The following GPC6 variants were observed in gnomAD, a reference collection of about 807,000 sequenced individuals.
The protein encoded by GPC6 is glypican-6.
In GPC6, 14 loss-of-function variants were observed where a neutral mutation model predicts 55.2. The ratio of observed to expected loss-of-function variants is 0.25; its 90% CI spans 0.17 to 0.40. The LOEUF is 0.40. Ranked by LOEUF, GPC6 falls within the 10% of genes least tolerant of loss-of-function variation. The pLI, the probability that GPC6 is intolerant of heterozygous loss-of-function variation, is 1.00. For missense variants in GPC6, 641 were observed against 708.5 expected, an observed-to-expected ratio of 0.90 and a Z score of 1.08; for synonymous variants, 278 against 259.6, an observed-to-expected ratio of 1.07 and a Z score of -0.68.
chr13:93,330,833 G>A (rs7994395), intron 1 of GPC6, among the ~76,000 whole-genome samples: 43,779 of 151,818 alleles, frequency 0.29, 7,303 homozygotes, highest in East Asian at 0.55. Context: ...CTAATCATAC[G>A]CAAATCCCAA....
intron 2 of GPC6, among the ~76,000 whole-genome samples, chr13:93,680,629 G>A (rs1881811857): frequency 6.6e-6 from 1 of 152,084 alleles, no homozygotes; most frequent in South Asian, 2.1e-4. Flanking sequence ...AAGTCTCAAA[G>A]CAATGCATGA....
chr13:94,143,196 A>T (rs1887446356), intron 4 of GPC6, among the ~76,000 whole-genome samples: 2 of 151,980 alleles, frequency 1.3e-5, no homozygotes. Context: ...AATATTTCTC[A>T]TTAGTTTATT....
chr13:94,163,433 A>G (rs910601834), intron 4 of GPC6, among the ~76,000 whole-genome samples: 4 of 152,058 alleles, frequency 2.6e-5, no homozygotes, highest in African/African-American at 9.7e-5. Context: ...ATCTCCAAGA[A>G]ATAGAAACTC....
At position 93,296,866 on chromosome 13, in the gene GPC6, A is replaced by C. The variant is rs77127428; in HGVS notation, c.160+69250A>C. On this transcript the variant is annotated intron_variant, in intron 1 of 8. Transcript: ENST00000377047. ...GGTACGAGGTGGAGGTGGACCCTTC[A>C]GGAGTCGTAGCCATCCAAAGTTATG... Among the ~76,000 whole-genome samples, 717 of 152,298 alleles carry C rather than the reference A, an allele frequency of 4.7e-3. 5 individuals are homozygous for C. Among genetic ancestry groups the C allele is most frequent in the African/African-American group, 0.015 (625 of 41,574 alleles).
At chr13:93,955,466 C>T (rs564522173) in intron 3 of GPC6, among the ~76,000 whole-genome samples, 1 of 152,258 alleles carries the variant, frequency 6.6e-6, no homozygotes, top group Non-Finnish European at 1.5e-5. Flanking sequence ...TAACAAACAA[C>T]AAAGTTTACC....
At chr13:94,177,427 A>G (rs1888817759) in intron 4 of GPC6, among the ~76,000 whole-genome samples, 1 of 152,180 alleles carries the variant, frequency 6.6e-6, no homozygotes, top group African/African-American at 2.4e-5. Flanking sequence ...AAGCTCCTAC[A>G]TATTGATTTT....
intron 1 of GPC6, among the ~76,000 whole-genome samples, chr13:93,398,722 C>CA (rs796335129): frequency 7.2e-5 from 11 of 152,216 alleles, no homozygotes; most frequent in African/African-American, 2.6e-4. Flanking sequence ...TTAATGTTCC[C>CA]ATTACCCTCG....
chr13:93,949,686 A>G (rs1473895876), intron 3 of GPC6, among the ~76,000 whole-genome samples: 2 of 152,124 alleles, frequency 1.3e-5, no homozygotes, highest in African/African-American at 4.8e-5. Context: ...GTGGAGGGAG[A>G]GGGCAATGGG....
intron 1 of GPC6, among the ~76,000 whole-genome samples, chr13:93,539,342 G>A (rs1039858326): frequency 3.9e-5 from 6 of 152,066 alleles, no homozygotes; most frequent in East Asian, 1.9e-4. Context: ...TGGTGTTGTC[G>A]AAATCATCAC....
rs185544616 is a variant in GPC6 at position 93,460,673 on chromosome 13, G to A, written c.161-84590G>A. On this transcript the variant is annotated intron_variant, in intron 1 of 8. Coordinates refer to ENST00000377047, the MANE Select transcript of GPC6 (RefSeq NM_005708.5). ...ATAATTATCTAGACATGAAAGTGAC[G>A]AGTCAATATTTCTCTGGAAGTTTAT... Among the ~76,000 whole-genome samples the A allele has an allele frequency of 3.9e-3, 587 of 152,144 alleles. 3 individuals are homozygous for A. Among genetic ancestry groups the A allele is most frequent in the Non-Finnish European group, 6.0e-3 (409 of 67,988 alleles).
intron 4 of GPC6, among the ~76,000 whole-genome samples, chr13:94,097,530 A>G (rs1007128394): frequency 6.7e-6 from 1 of 148,820 alleles, no homozygotes; most frequent in Admixed American, 6.6e-5. Flanking sequence ...AAAAAAAAAG[A>G]GGCAAGTGAT....
At position 93,528,562 on chromosome 13, in the gene GPC6, A is replaced by G. The variant is rs76969922; in HGVS notation, c.161-16701A>G. Among the ~76,000 whole-genome samples, 9 of 152,286 alleles carry G rather than the reference A, an allele frequency of 5.9e-5. No individual in the cohort carries two copies. In the East Asian group the frequency reaches 1.4e-3, roughly 23 times the overall value. On this transcript the variant is annotated intron_variant, in intron 1 of 8. Coordinates refer to ENST00000377047, the MANE Select transcript of GPC6 (RefSeq NM_005708.5). ...CTTGTCCATAAAGATGACACATGCA[A>G]AAAGGAAAAATATTATTCAGATAAG...
At position 93,811,037 on chromosome 13, in the gene GPC6, T is replaced by G. The variant is rs200965149; in HGVS notation, c.320-19117T>G. ...TTGAAGTCAACAATTGTGTAGCACT[T>G]AATGCCACATCAAATGCAACATCAA... On this transcript the variant is annotated intron_variant, in intron 2 of 8. Transcript: ENST00000377047. 4.6e-5 allele frequency among the ~76,000 whole-genome samples: 7 copies of G among 152,338 alleles called. No individual in the cohort carries two copies. The East Asian group carries it at 1.3e-3, about 29-fold the overall frequency.
chr13:93,448,955 G>C (rs1029444917), intron 1 of GPC6, among the ~76,000 whole-genome samples: 12 of 144,916 alleles, frequency 8.3e-5, no homozygotes, highest in Admixed American at 8.0e-4. Flanking sequence ...AACATTTATT[G>C]ATTGTCTACT....
intron 2 of GPC6, among the ~76,000 whole-genome samples, chr13:93,645,333 C>T (rs1880130430): frequency 6.6e-6 from 1 of 151,352 alleles, no homozygotes; most frequent in African/African-American, 2.4e-5. Context: ...TAAGAATTTG[C>T]ATTGGCAATG....
rs1891399792 is a variant in GPC6, at chr13:94,252,904, TAG to T, written c.878-33442_878-33441del. Among the ~76,000 whole-genome samples the T allele has an allele frequency of 4.0e-5, 6 of 150,634 alleles. No homozygotes were observed. In the South Asian group the frequency reaches 1.3e-3, roughly 32 times the overall value. On this transcript the variant is annotated intron_variant, in intron 4 of 8. Coordinates refer to ENST00000377047, the MANE Select transcript of GPC6 (RefSeq NM_005708.5). ...CCTGCTGTTTCCAGTGAAAGATAAT[TAG>T]AGTTTTCTGGGGGAGGGGGATGGCT... is the stretch of plus-strand genomic sequence containing the variant.
intron 3 of GPC6, among the ~76,000 whole-genome samples, chr13:93,958,758 T>C (rs1015713847): frequency 4.2e-4 from 64 of 152,310 alleles, no homozygotes; most frequent in African/African-American, 1.2e-3. Context: ...ATATTTAATC[T>C]GTAAATTGTT....
intron 4 of GPC6, among the ~76,000 whole-genome samples, chr13:94,028,805 A>G (rs967228208): frequency 2.0e-5 from 3 of 152,200 alleles, no homozygotes; most frequent in African/African-American, 7.2e-5. Context: ...AAGTGGTTGC[A>G]TGGCCCAAAG....
chr13:93,756,126 C>G (rs1566519452), intron 2 of GPC6, among the ~76,000 whole-genome samples: 3 of 152,246 alleles, frequency 2.0e-5, no homozygotes, highest in South Asian at 4.1e-4. Flanking sequence ...GCAGCAGTGT[C>G]CATGAGAATC....
Sources: gnomAD v4.1 joint callset for allele counts (sites outside exome capture counted in the v4.1 genomes callset) on GRCh38, gnomAD v4.1.1 for gene constraint, MANE v1.5 for transcripts, NCBI Gene and HGNC (gene_info 2026-07-23, HGNC 2026-07-21) for gene names.